Variants in SPAG16 observed in about 807,000 individuals in gnomAD.
SPAG16 encodes sperm associated antigen 16, also known as sperm-associated antigen 16 protein.
SPAG16 carries 86 observed loss-of-function variants against 80.4 expected under a neutral mutation model. The ratio of observed to expected loss-of-function variants is 1.07; its 90% CI spans 0.90 to 1.28. SPAG16 has a LOEUF of 1.28. SPAG16 is among the 50% of genes most tolerant of loss of function. SPAG16 has a pLI of 0.00. For synonymous variants in SPAG16, 294 were observed against 265.9 expected (o/e 1.11, Z -1.03); for missense variants, 870 against 765.3 (o/e 1.14, Z -1.61).
intron 14 of SPAG16, among the ~76,000 whole-genome samples, chr2:214,131,262 C>T (rs142097695): frequency 1.6e-4 from 25 of 151,640 alleles, no homozygotes; most frequent in Non-Finnish European, 2.8e-4. Context: ...CTAGTTGCTT[C>T]GGGAAGTTGA....
chr2:213,876,962 G>C (rs542205010), intron 11 of SPAG16, among the ~76,000 whole-genome samples: 296 of 152,240 alleles, frequency 1.9e-3, no homozygotes, highest in Non-Finnish European at 3.5e-3. Flanking sequence ...TTATAGAAGA[G>C]AAAACATGCT....
chr2:213,829,448 G>C (rs550317630), intron 10 of SPAG16, among the ~76,000 whole-genome samples: 22 of 152,202 alleles, frequency 1.4e-4, no homozygotes, highest in African/African-American at 5.1e-4. Flanking sequence ...AAGAGTCAAG[G>C]CCTGAAATTA....
intron 10 of SPAG16, among the ~76,000 whole-genome samples, chr2:213,846,590 A>G (rs574257430): frequency 1.3e-5 from 2 of 152,072 alleles, no homozygotes; most frequent in African/African-American, 2.4e-5. Context: ...TATAAATAAA[A>G]TAATAATGGA....
chr2:214,352,378 C>T (rs1698469472), intron 15 of SPAG16, among the ~76,000 whole-genome samples: 1 of 152,198 alleles, frequency 6.6e-6, no homozygotes, highest in African/African-American at 2.4e-5. Context: ...GGATAAATCA[C>T]ATTTAATTCC....
At chr2:213,463,576 A>G (rs1168044793) in intron 9 of SPAG16, among the ~76,000 whole-genome samples, 1 of 152,246 alleles carries the variant, frequency 6.6e-6, no homozygotes. Flanking sequence ...GTGGCCTCAG[A>G]CAGTGCAAGC....
chr2:213,303,127 A>G (rs1170660224), intron 3 of SPAG16, among the ~76,000 whole-genome samples: 2 of 152,124 alleles, frequency 1.3e-5, no homozygotes, highest in Non-Finnish European at 2.9e-5. Context: ...TAACCAGCAC[A>G]CTGCAAAGAC....
chr2:213,914,055 T>C (rs2077831178), intron 11 of SPAG16, among the ~76,000 whole-genome samples: 1 of 152,146 alleles, frequency 6.6e-6, no homozygotes. Flanking sequence ...TGACCAAACA[T>C]TGTGGTAGCA....
intron 15 of SPAG16, among the ~76,000 whole-genome samples, chr2:214,202,762 A>C (rs574184899): frequency 6.6e-6 from 1 of 152,310 alleles, no homozygotes; most frequent in South Asian, 2.1e-4. Context: ...ATTGAATCTA[A>C]GATACACAAA....
intron 13 of SPAG16, among the ~76,000 whole-genome samples, chr2:214,099,567 T>C (rs1553716525): frequency 6.6e-6 from 1 of 152,066 alleles, no homozygotes; most frequent in Non-Finnish European, 1.5e-5. Context: ...TATGGTTTCA[T>C]TTATATGAAC....
rs541949006 is a variant in SPAG16 at position 213,593,746 on chromosome 2, C to CTTTTTTTTTTTT, written c.1070+103691_1070+103702dup. 2.0e-4 allele frequency among the ~76,000 whole-genome samples: 10 copies of CTTTTTTTTTTTT among 50,192 alleles called. 4 individuals are homozygous for CTTTTTTTTTTTT. The highest frequency in any genetic ancestry group is 3.5e-4 in the Non-Finnish European group (7 of 19,824). 32.9% of individuals were successfully genotyped at this position (50,192 alleles called of 152,430 possible). A position where few individuals can be genotyped will look rare whatever the true frequency, so the allele number is the denominator to read the frequency against. On this transcript the variant is annotated intron_variant, in intron 10 of 15. Transcript: ENST00000331683. ...TCATACCCCATCATCCCCACCACAT[C>CTTTTTTTTTTTT]TTTTTTTTTTTTTTTTTTTTTTTTT... is the stretch of plus-strand genomic sequence containing the variant.
chr2:213,586,237 A>G (rs1305894423), intron 10 of SPAG16, among the ~76,000 whole-genome samples: 1 of 152,244 alleles, frequency 6.6e-6, no homozygotes, highest in Non-Finnish European at 1.5e-5. Context: ...ACAGAATACC[A>G]TAAACTGGGT....
In SPAG16 at chr2:213,356,948, G is replaced by A. The variant is rs559476876; in HGVS notation, c.762+6303G>A. On this transcript the variant is annotated intron_variant, in intron 7 of 15. Transcript: ENST00000331683. Reference sequence around the variant, plus strand: ...TGTCCCAGAGATTCTGGTATGTTGTGTCTTTGTTCTCATTGATTTCAAAGA... The same window carrying A: ...TGTCCCAGAGATTCTGGTATGTTGTATCTTTGTTCTCATTGATTTCAAAGA... Among the ~76,000 whole-genome samples the A allele has an allele frequency of 1.1e-3, 161 of 152,222 alleles. 2 individuals carry two copies. The South Asian group carries it at 0.021, about 19-fold the overall frequency.
At chr2:214,140,660 G>C (rs1295075229) in intron 14 of SPAG16, among the ~76,000 whole-genome samples, 2 of 151,818 alleles carry the variant, frequency 1.3e-5, no homozygotes, top group Non-Finnish European at 2.9e-5. Flanking sequence ...CTTGTGGCTA[G>C]AGTATTCCCT....
intron 3 of SPAG16, among the ~76,000 whole-genome samples, chr2:213,300,641 T>A (rs1559385533): frequency 6.6e-6 from 1 of 152,212 alleles, no homozygotes; most frequent in Non-Finnish European, 1.5e-5. Context: ...ATTAGTTCTT[T>A]TTCTGTTTTG....
At chr2:214,149,680 A>G (rs925436111) in intron 15 of SPAG16, among the ~76,000 whole-genome samples, 2 of 152,152 alleles carry the variant, frequency 1.3e-5, no homozygotes, top group East Asian at 3.9e-4. Flanking sequence ...TTAATGTTAA[A>G]AATTTAATGA....
At chr2:214,158,638 G>A (rs1240583621) in intron 15 of SPAG16, among the ~76,000 whole-genome samples, 1 of 151,962 alleles carries the variant, frequency 6.6e-6, no homozygotes, top group Non-Finnish European at 1.5e-5. Flanking sequence ...TGCAGTCAAA[G>A]GAGTGTCATT....
At chr2:214,036,034 T>A (rs935820686) in intron 13 of SPAG16, among the ~76,000 whole-genome samples, 5 of 152,222 alleles carry the variant, frequency 3.3e-5, no homozygotes, top group Non-Finnish European at 5.9e-5. Flanking sequence ...ACCAAGATGG[T>A]TGTTATGATA....
intron 10 of SPAG16, among the ~76,000 whole-genome samples, chr2:213,691,075 C>G (rs528591353): frequency 1.3e-5 from 2 of 152,300 alleles, no homozygotes; most frequent in South Asian, 4.1e-4. Context: ...AAGGCCCCAC[C>G]TCTTAATACT....
chr2:213,545,602 T>C (rs1003169396), intron 10 of SPAG16, among the ~76,000 whole-genome samples: 7 of 120,216 alleles, frequency 5.8e-5, no homozygotes, highest in African/African-American at 1.5e-4. Flanking sequence ...TACTTTTACA[T>C]TGAAACGTGA....
Sources: gnomAD v4.1 joint callset for allele counts (sites outside exome capture counted in the v4.1 genomes callset) on GRCh38, gnomAD v4.1.1 for gene constraint, MANE v1.5 for transcripts, NCBI Gene and HGNC (gene_info 2026-07-23, HGNC 2026-07-21) for gene names.